The following PTPRD variants were observed in gnomAD, a reference collection of about 807,000 sequenced individuals.
The protein encoded by PTPRD is protein tyrosine phosphatase receptor type D.
Under a neutral mutation model 214.5 loss-of-function variants are expected in PTPRD, and 34 were observed. The observed-to-expected ratio is 0.16, with a 90% CI of 0.12 to 0.21. The LOEUF is 0.21. Among genes scored for constraint, PTPRD ranks in the 10% least tolerant of loss-of-function variants. The pLI is 1.00. For missense variants in PTPRD, 2,545 were observed against 2,398.7 expected (o/e 1.06, Z -1.27); for synonymous variants, 1,128 against 845.7 (o/e 1.33, Z -5.79).
intron 2 of PTPRD, among the ~76,000 whole-genome samples, chr9:10,457,781 G>T (rs1027132269): frequency 6.6e-6 from 1 of 152,002 alleles, no homozygotes; most frequent in Non-Finnish European, 1.5e-5. Flanking sequence ...TGGGTGTGTT[G>T]TGCTACTTCA....
At chr9:8,707,674 C>G (rs998714497) in intron 12 of PTPRD, among the ~76,000 whole-genome samples, 1 of 152,192 alleles carries the variant, frequency 6.6e-6, no homozygotes, top group Admixed American at 6.6e-5. Flanking sequence ...ATCTGATTCC[C>G]TAATTATATT....
intron 8 of PTPRD, among the ~76,000 whole-genome samples, chr9:9,490,322 G>T (rs753207835): frequency 6.6e-5 from 10 of 151,990 alleles, no homozygotes; most frequent in East Asian, 5.8e-4. Context: ...AAGAAATAAA[G>T]ATCTCAATAT....
chr9:9,471,042 G>A (rs927948398), intron 8 of PTPRD, among the ~76,000 whole-genome samples: 11 of 152,150 alleles, frequency 7.2e-5, no homozygotes, highest in Non-Finnish European at 1.5e-5. Context: ...GTTGTAACAT[G>A]CAGGTCTTGG....
chr9:9,557,266 C>T (rs552852777), intron 8 of PTPRD, among the ~76,000 whole-genome samples: 98 of 152,194 alleles, frequency 6.4e-4, no homozygotes, highest in Middle Eastern at 3.4e-3. Flanking sequence ...ATGTAGCCTC[C>T]TACCTTTGGA....
At chr9:10,328,812 T>C (rs542796084) in intron 3 of PTPRD, among the ~76,000 whole-genome samples, 2 of 151,786 alleles carry the variant, frequency 1.3e-5, no homozygotes, top group African/African-American at 4.8e-5. Context: ...TAATTCCTTT[T>C]GGTTTTATGG....
At chr9:10,335,983 T>C (rs1170201175) in intron 3 of PTPRD, among the ~76,000 whole-genome samples, 1 of 151,772 alleles carries the variant, frequency 6.6e-6, no homozygotes, top group Non-Finnish European at 1.5e-5. Context: ...ACTCATTCAT[T>C]GCTGGTGGGA....
intron 4 of PTPRD, among the ~76,000 whole-genome samples, chr9:9,940,070 A>G (rs957830341): frequency 1.3e-5 from 2 of 152,148 alleles, no homozygotes; most frequent in Non-Finnish European, 2.9e-5. Flanking sequence ...CTCATTTATA[A>G]AAGTGTGGGC....
intron 42 of PTPRD, among the ~76,000 whole-genome samples, 188 bp downstream of exon 42, chr9:8,340,155 A>C (rs4740935): frequency 0.55 from 83,826 of 152,002 alleles, 24,143 homozygotes; most frequent in Non-Finnish European, 0.65. Flanking sequence ...TCTTTAAAAC[A>C]CATAAATTTA....
At chr9:10,308,226 G>A (rs1371052069) in intron 3 of PTPRD, among the ~76,000 whole-genome samples, 2 of 151,832 alleles carry the variant, frequency 1.3e-5, no homozygotes, top group African/African-American at 4.8e-5. Context: ...AATCTATTTT[G>A]AGTTGACTTT....
At chr9:9,219,480 A>G (rs2099954432) in intron 9 of PTPRD, among the ~76,000 whole-genome samples, 1 of 152,154 alleles carries the variant, frequency 6.6e-6, no homozygotes, top group Admixed American at 6.6e-5. Flanking sequence ...ACATTTGGCT[A>G]AAAGCCAAAT....
chr9:9,528,219 G>T (rs2154261621), intron 8 of PTPRD, among the ~76,000 whole-genome samples: 1 of 152,260 alleles, frequency 6.6e-6, no homozygotes, highest in East Asian at 1.9e-4. Flanking sequence ...CTGAGCAATT[G>T]TCTGTGTATT....
At chr9:10,608,606 T>C (rs2080113430) in intron 2 of PTPRD, among the ~76,000 whole-genome samples, 1 of 152,104 alleles carries the variant, frequency 6.6e-6, no homozygotes, top group Non-Finnish European at 1.5e-5. Flanking sequence ...GTCACATAGC[T>C]TGAAAGACTT....
chr9:9,383,161 T>G (rs1441711791), intron 9 of PTPRD, among the ~76,000 whole-genome samples: 1 of 152,078 alleles, frequency 6.6e-6, no homozygotes, highest in East Asian at 1.9e-4. Context: ...GATTTGGCAC[T>G]TTTCAGGTTT....
intron 10 of PTPRD, among the ~76,000 whole-genome samples, chr9:9,179,059 T>G (rs2099926602): frequency 6.6e-6 from 1 of 152,116 alleles, no homozygotes; most frequent in Admixed American, 6.6e-5. Context: ...AGATCTGGTT[T>G]ATGTCTCCAA....
At chr9:9,640,576 A>G (rs918630822) in intron 7 of PTPRD, among the ~76,000 whole-genome samples, 1 of 152,218 alleles carries the variant, frequency 6.6e-6, no homozygotes, top group Non-Finnish European at 1.5e-5. Flanking sequence ...AAGAACTTTT[A>G]AATATATGTT....
At chr9:10,523,684 G>C (rs1051898970) in intron 2 of PTPRD, among the ~76,000 whole-genome samples, 1 of 144,684 alleles carries the variant, frequency 6.9e-6, no homozygotes, top group African/African-American at 2.5e-5. Flanking sequence ...GAGAGAGAAA[G>C]CGGCTCTAAT....
intron 3 of PTPRD, among the ~76,000 whole-genome samples, chr9:10,300,936 C>T (rs967419077): frequency 1.3e-5 from 2 of 152,148 alleles, no homozygotes; most frequent in Admixed American, 1.3e-4. Context: ...ACTGCCTCCT[C>T]AAGTGGATCA....
chr9:10,409,648 A>G (rs982467764), intron 2 of PTPRD, among the ~76,000 whole-genome samples: 7 of 151,842 alleles, frequency 4.6e-5, no homozygotes, highest in African/African-American at 1.4e-4. Context: ...TGACCACATC[A>G]TACTTGACAC....
intron 10 of PTPRD, among the ~76,000 whole-genome samples, chr9:9,027,760 C>A (rs777046389): frequency 6.6e-6 from 1 of 151,834 alleles, no homozygotes; most frequent in East Asian, 1.9e-4. Context: ...TTTGTTATCT[C>A]TAAGTACAGA....
Sources: gnomAD v4.1 joint callset for allele counts (sites outside exome capture counted in the v4.1 genomes callset) on GRCh38, gnomAD v4.1.1 for gene constraint, MANE v1.5 for transcripts, NCBI Gene and HGNC (gene_info 2026-07-23, HGNC 2026-07-21) for gene names.